The following NCMAP variants were observed in gnomAD, a reference collection of about 807,000 sequenced individuals.
NCMAP encodes the protein non-compact myelin associated protein.
Under a neutral mutation model 7.8 loss-of-function variants are expected in NCMAP, and 8 were observed. The ratio of observed to expected loss-of-function variants is 1.02; its 90% CI spans 0.60 to 1.84. The LOEUF (loss-of-function observed/expected upper bound fraction) is 1.84, where lower values mean the gene tolerates loss of function less well. Among genes scored for constraint, NCMAP ranks in the 40% most tolerant of loss-of-function variants. The probability of loss-of-function intolerance (pLI) is 0.00; values close to 1 mark genes in which losing one functional copy is unlikely to be tolerated. For synonymous variants in NCMAP, 41 were observed against 52.9 expected, an observed-to-expected ratio of 0.78 and a Z score of 0.98; for missense variants, 112 against 131.4, an observed-to-expected ratio of 0.85 and a Z score of 0.72.
Position 24,606,031 on chromosome 1 carries a change from C to A in NCMAP, c.*284C>A. The A allele has an allele frequency of 2.5e-6, 1 of 393,570 alleles. No homozygotes were observed. Among genetic ancestry groups the A allele is most frequent in the Non-Finnish European group, 4.6e-6 (1 of 215,446 alleles). 24.4% of individuals were successfully genotyped at this position (393,570 alleles called of 1,614,324 possible). A position where few individuals can be genotyped will look rare whatever the true frequency, so the allele number is the denominator to read the frequency against. ...TGGGAATCCACCAATGTGGGCTTGG[C>A]TTTCCCCCACACTGTAGTTAGACAG... is the stretch of plus-strand genomic sequence containing the variant. On this transcript the variant is annotated 3_prime_UTR_variant, in exon 4 of 4. Coordinates refer to ENST00000374392, the MANE Select transcript of NCMAP (RefSeq NM_001010980.5).
intron 1 of NCMAP, among the ~76,000 whole-genome samples, chr1:24,591,515 A>G (rs142461517): frequency 0.014 from 2,072 of 152,224 alleles, 47 homozygotes; most frequent in African/African-American, 0.048. Flanking sequence ...TAATCTGCCC[A>G]CCTCAGCCTC....
At chr1:24,595,686 G>A (rs532781855) in intron 2 of NCMAP, among the ~76,000 whole-genome samples, 174 bp downstream of exon 2, 25 of 152,234 alleles carry the variant, frequency 1.6e-4, no homozygotes, top group South Asian at 6.2e-4. Context: ...CATATGCCTC[G>A]GTGGTGTTTC....
At chr1:24,602,463 G>A (rs1490476109) in intron 3 of NCMAP, among the ~76,000 whole-genome samples, 10 of 144,910 alleles carry the variant, frequency 6.9e-5, no homozygotes, top group African/African-American at 2.2e-4. Flanking sequence ...CCAGCTACTC[G>A]GGAGGCTGAG....
At chr1:24,572,586 G>A (rs563580244) in intron 1 of NCMAP, among the ~76,000 whole-genome samples, 5 of 150,696 alleles carry the variant, frequency 3.3e-5, no homozygotes, top group South Asian at 4.1e-4. Flanking sequence ...AGGCACACTC[G>A]CTTGCACACT....
chr1:24,577,102 C>T (rs1651584270), intron 1 of NCMAP, among the ~76,000 whole-genome samples: 1 of 152,118 alleles, frequency 6.6e-6, no homozygotes, highest in Non-Finnish European at 1.5e-5. Context: ...TGCGCCACTG[C>T]ACTCCAGGCC....
intron 1 of NCMAP, among the ~76,000 whole-genome samples, chr1:24,578,381 A>G (rs1467014997): frequency 6.7e-6 from 1 of 149,206 alleles, no homozygotes; most frequent in Admixed American, 6.7e-5. Context: ...GAGTTTTCCA[A>G]CTGGGGTCTC....
chr1:24,581,921 G>A (rs914930397), intron 1 of NCMAP, among the ~76,000 whole-genome samples: 2 of 152,188 alleles, frequency 1.3e-5, no homozygotes, highest in African/African-American at 2.4e-5. Context: ...GGGCTGGACC[G>A]GTCCTTCAGG....
intron 1 of NCMAP, among the ~76,000 whole-genome samples, chr1:24,559,690 C>A (rs1221236531): frequency 6.6e-6 from 1 of 152,134 alleles, no homozygotes; most frequent in Non-Finnish European, 1.5e-5. Flanking sequence ...GGGGCCCTTG[C>A]GGGGCTGGTA....
At chr1:24,577,409 T>TTG (rs1557596538) in intron 1 of NCMAP, among the ~76,000 whole-genome samples, 317 of 143,334 alleles carry the variant, frequency 2.2e-3, no homozygotes, top group African/African-American at 6.5e-3. Context: ...TTGTTTTTTT[T>TTG]TTTTTTTTTT....
rs113762140 is a variant in NCMAP at position 24,579,128 on chromosome 1, C to A, written c.-7-16296C>A. 2.6e-3 allele frequency among the ~76,000 whole-genome samples: 403 copies of A among 152,194 alleles called. 2 individuals carry two copies. Among genetic ancestry groups the A allele is most frequent in the African/African-American group, 9.0e-3 (375 of 41,542 alleles). On this transcript the variant is annotated intron_variant, in intron 1 of 3. Transcript: ENST00000374392. ...AATCCCTGCCCTTCTCTTGCTTCAC[C>A]CCTCGCTCACTTTAGTGGGTGCATC...
rs750344421 is a variant in NCMAP at position 24,595,419 on chromosome 1, A to G, written c.-7-5A>G. On this transcript the variant is annotated splice_polypyrimidine_tract_variant and splice_region_variant and intron_variant, in intron 1 of 3. Transcript: ENST00000374392. ...TAAACAAAATATCTTCTTCTTTCTC[A>G]TCAGGATCGAGATGACCACAGCCAC... 1.9e-6 allele frequency: 3 copies of G among 1,597,466 alleles called. No individual in the cohort carries two copies. The South Asian group carries it at 3.3e-5, about 18-fold the overall frequency.
intron 3 of NCMAP, among the ~76,000 whole-genome samples, chr1:24,603,858 C>T (rs1475725009): frequency 6.6e-6 from 1 of 152,204 alleles, no homozygotes; most frequent in Non-Finnish European, 1.5e-5. Flanking sequence ...CTGTGAAGGG[C>T]TGTCTTAGAC....
intron 1 of NCMAP, among the ~76,000 whole-genome samples, chr1:24,577,649 C>G (rs1032292766): frequency 3.3e-5 from 5 of 151,876 alleles, no homozygotes; most frequent in Non-Finnish European, 7.4e-5. Context: ...GAATTTTTTC[C>G]TGCACTCCCA....
At chr1:24,570,459 C>T (rs1001893014) in intron 1 of NCMAP, among the ~76,000 whole-genome samples, 3 of 150,754 alleles carry the variant, frequency 2.0e-5, no homozygotes, top group Non-Finnish European at 2.9e-5. Flanking sequence ...TGTGCCACTG[C>T]ACTCCAGCCT....
At position 24,582,934 on chromosome 1, in the gene NCMAP, C is replaced by T. The variant is rs575594375; in HGVS notation, c.-7-12490C>T. ...ATATGGAGAAAACATATACAAAGTA[C>T]TTGGCATGGTAACTGGCACGTAAAA... On this transcript the variant is annotated intron_variant, in intron 1 of 3. Transcript: ENST00000374392. Among the ~76,000 whole-genome samples the T allele has an allele frequency of 1.4e-4, 22 of 152,328 alleles. No individual in the cohort carries two copies. The South Asian group carries it at 4.4e-3, about 30-fold the overall frequency.
At chr1:24,579,402 G>A (rs932545125) in intron 1 of NCMAP, among the ~76,000 whole-genome samples, 2 of 151,840 alleles carry the variant, frequency 1.3e-5, no homozygotes, top group African/African-American at 4.8e-5. Flanking sequence ...TCCTCTCAAA[G>A]GTCTTTTCTC....
At chr1:24,593,827 T>G (rs919755458) in intron 1 of NCMAP, among the ~76,000 whole-genome samples, 1 of 151,976 alleles carries the variant, frequency 6.6e-6, no homozygotes, top group Non-Finnish European at 1.5e-5. Context: ...GCTTGCTTCC[T>G]TATATTCTTG....
At chr1:24,565,047 T>C (rs1174417913) in intron 1 of NCMAP, among the ~76,000 whole-genome samples, 1 of 151,928 alleles carries the variant, frequency 6.6e-6, no homozygotes, top group Non-Finnish European at 1.5e-5. Flanking sequence ...ATGAAAGAAA[T>C]GTTCAGGAGA....
chr1:24,596,342 A>G (rs1310949008), intron 2 of NCMAP, among the ~76,000 whole-genome samples: 1 of 152,150 alleles, frequency 6.6e-6, no homozygotes, highest in East Asian at 1.9e-4. Flanking sequence ...CCTAGAAAGC[A>G]CTGAAATTTG....
Sources: allele counts gnomAD v4.1 joint callset (sites outside exome capture counted in the v4.1 genomes callset), GRCh38; gene constraint gnomAD v4.1.1; transcripts MANE v1.5; gene names NCBI Gene and HGNC (gene_info 2026-07-23, HGNC 2026-07-21).